The following HEATR1 variants were observed in gnomAD, a reference collection of about 807,000 sequenced individuals.
The protein encoded by HEATR1 is HEAT repeat-containing protein 1.
In HEATR1, 77 loss-of-function variants were observed where a neutral mutation model predicts 248.2. The ratio of observed to expected loss-of-function variants is 0.31; its 90% CI spans 0.26 to 0.37. The LOEUF (loss-of-function observed/expected upper bound fraction) is 0.37, where lower values mean the gene tolerates loss of function less well. HEATR1 is among the 10% of genes least tolerant of loss of function. The probability of loss-of-function intolerance (pLI) is 1.00; values close to 1 mark genes in which losing one functional copy is unlikely to be tolerated. For missense variants in HEATR1, 2,420 were observed against 2,504.9 expected (o/e 0.97, Z 0.72); for synonymous variants, 897 against 923.1 (o/e 0.97, Z 0.51).
At chr1:236,570,065 G>A (rs1030756338) in intron 28 of HEATR1, among the ~76,000 whole-genome samples, 6 of 152,140 alleles carry the variant, frequency 3.9e-5, no homozygotes, top group African/African-American at 1.4e-4. Context: ...GAGGCGGGCG[G>A]ATCATGACAT....
intron 9 of HEATR1, among the ~76,000 whole-genome samples, chr1:236,593,621 T>C (rs1024338861): frequency 6.6e-6 from 1 of 151,252 alleles, no homozygotes; most frequent in Admixed American, 6.6e-5. Context: ...TGAATTATCT[T>C]TAAAGAAATA....
intron 44 of HEATR1, 34 bp downstream of exon 44, chr1:236,551,961 CTTAA>C (rs1662766708): frequency 3.0e-6 from 4 of 1,330,290 alleles, no homozygotes; most frequent in Non-Finnish European, 4.3e-6. Context: ...TGAATTATTC[CTTAA>C]TTGTTTAATG....
intron 9 of HEATR1, among the ~76,000 whole-genome samples, chr1:236,593,226 G>A (rs1450491948): frequency 2.0e-5 from 3 of 151,744 alleles, no homozygotes; most frequent in African/African-American, 7.3e-5. Flanking sequence ...AGAAACTAGA[G>A]TGTAAGTCTT....
At chr1:236,584,990 A>C in intron 17 of HEATR1, 35 bp downstream of exon 17, 1 of 1,572,718 alleles carries the variant, frequency 6.4e-7, no homozygotes, top group Non-Finnish European at 8.6e-7. Context: ...TGTTTTATTC[A>C]ACATCCCACT....
chr1:236,570,968 T>G (rs1663410450), intron 28 of HEATR1, among the ~76,000 whole-genome samples: 1 of 152,236 alleles, frequency 6.6e-6, no homozygotes, highest in African/African-American at 2.4e-5. Context: ...CTGAAGTCAC[T>G]GGTTAAAGGT....
At position 236,556,205 on chromosome 1, in the gene HEATR1, A is replaced by G. The variant is rs1390899628; in HGVS notation, c.5409T>C (p.Asn1803=). 5 of 1,613,962 alleles carry G rather than the reference A, an allele frequency of 3.1e-6. No homozygotes were observed. Among genetic ancestry groups the G allele is most frequent in the Non-Finnish European group, 4.2e-6 (5 of 1,180,034 alleles). Residue 1803 remains asparagine, a synonymous_variant, in exon 38 of 45, where the codon AAT becomes AAC. Transcript: ENST00000366582. ...TCTTTTTAAGAGATGTGAGACGGAT[A>G]TTAGCCTGTGACGCAGAACCCATTT... ...TSEMGSASQA[N]IRLTSLKKTL...
At chr1:236,583,611 C>G (rs819656) in intron 17 of HEATR1, among the ~76,000 whole-genome samples, 20,966 of 151,520 alleles carry the variant, frequency 0.14, 1,760 homozygotes, top group Middle Eastern at 0.25. Context: ...TTCAGCCTCC[C>G]GAGTAGGAAG....
chr1:236,560,212 G>A (rs527377377), intron 33 of HEATR1, among the ~76,000 whole-genome samples: 3 of 151,362 alleles, frequency 2.0e-5, no homozygotes, highest in East Asian at 2.0e-4. Flanking sequence ...GTGTGTGCGC[G>A]CACACACACA....
chr1:236,583,264 T>A, intron 17 of HEATR1, 68 bp from the exon 18 acceptor site: 1 of 1,355,894 alleles, frequency 7.4e-7, no homozygotes, highest in East Asian at 2.3e-5. Flanking sequence ...TATGAATTCC[T>A]CTGCATAATA....
In HEATR1 at chr1:236,564,469, T is replaced by C. The variant is rs1215270608; in HGVS notation, c.4599+29A>G. 1.9e-6 allele frequency: 3 copies of C among 1,603,456 alleles called. No homozygotes were observed. In the East Asian group the frequency reaches 6.7e-5, roughly 36 times the overall value. On this transcript the variant is annotated intron_variant, in intron 32 of 44. Transcript: ENST00000366582. ...TTCCTTGGAGACAGCAGAATACCTT[T>C]TTATAAACACATTTAAAGAACACAT...
chr1:236,600,600 A>G (rs910927234), intron 3 of HEATR1, among the ~76,000 whole-genome samples: 1 of 151,084 alleles, frequency 6.6e-6, no homozygotes. Flanking sequence ...GTGTGATCTC[A>G]GCTCACTGCA....
intron 8 of HEATR1, among the ~76,000 whole-genome samples, 164 bp downstream of exon 8, chr1:236,595,376 T>C (rs1664150250): frequency 2.0e-5 from 3 of 152,310 alleles, no homozygotes; most frequent in South Asian, 2.1e-4. Context: ...TCAACCAACC[T>C]GCTCCCCACC....
At chr1:236,577,069 G>A in intron 20 of HEATR1, 120 bp from the exon 21 acceptor site, 1 of 699,772 alleles carries the variant, frequency 1.4e-6, no homozygotes, top group Non-Finnish European at 2.3e-6. Flanking sequence ...CTCCTTCTCT[G>A]TTCACTGTTT....
rs572264953 is a variant in HEATR1 at position 236,591,330 on chromosome 1, AC to A, written c.1423-377del. ...TCTACATGATATAACAAATAGTGAC[AC>A]TCAAATTCGTGACAACTTAGTTCAC... On this transcript the variant is annotated intron_variant, in intron 11 of 44. Transcript: ENST00000366582. 1.4e-4 allele frequency among the ~76,000 whole-genome samples: 21 copies of A among 152,302 alleles called. No individual in the cohort carries two copies. In the South Asian group the frequency reaches 3.7e-3, roughly 27 times the overall value.
intron 2 of HEATR1, 56 bp from the exon 3 acceptor site, chr1:236,603,432 C>T: frequency 1.4e-6 from 2 of 1,413,842 alleles, no homozygotes; most frequent in East Asian, 2.3e-5. Flanking sequence ...AAATTCATCC[C>T]ACCCCTCTTT....
chr1:236,579,011 G>A (rs1162340498), intron 20 of HEATR1, among the ~76,000 whole-genome samples: 1 of 152,150 alleles, frequency 6.6e-6, no homozygotes, highest in East Asian at 1.9e-4. Context: ...TATTTTGCTA[G>A]AAATTTTCCA....
At position 236,595,635 on chromosome 1, in the gene HEATR1, G is replaced by A. The variant is rs1348012449; in HGVS notation, c.995C>T (p.Thr332Ile). 6.2e-7 allele frequency: 1 copy of A among 1,611,188 alleles called. No individual in the cohort carries two copies. Among genetic ancestry groups the A allele is most frequent in the Admixed American group, 1.7e-5 (1 of 60,002 alleles). Reference protein sequence around the residue: ...PHLCNVPDLITILHGISETYD... With the variant: ...PHLCNVPDLIIILHGISETYD... ...AGTTTCAGAAATCCCATGAAGTATT[G>A]TAATAAGATCAGGAACATTACATAA... Residue 332 changes from threonine to isoleucine, a missense_variant, in exon 8 of 45, where the codon ACA (threonine) becomes ATA (isoleucine). By Grantham distance (89) the Thr-to-Ile change is moderately conservative. Coordinates refer to ENST00000366582, the MANE Select transcript of HEATR1 (RefSeq NM_018072.6).
intron 12 of HEATR1, among the ~76,000 whole-genome samples, chr1:236,589,464 C>T (rs944161888): frequency 6.6e-6 from 1 of 151,354 alleles, no homozygotes; most frequent in Non-Finnish European, 1.5e-5. Context: ...TTAAGTATAA[C>T]TCCTTCTTAA....
rs1308092037 is a variant in HEATR1, at chr1:236,549,886, T to C, written c.*1016A>G. 1 of 152,240 alleles carries C rather than the reference T, an allele frequency of 6.6e-6. No homozygotes were observed. Among genetic ancestry groups the C allele is most frequent in the Non-Finnish European group, 1.5e-5 (1 of 68,038 alleles). 9.4% of individuals were successfully genotyped at this position (152,240 alleles called of 1,614,324 possible). ...TTTACTGAGACATTTCTTAGAAATA[T>C]GCACTTCTATACTAGCAAGCTCTGT... On this transcript the variant is annotated 3_prime_UTR_variant, in exon 45 of 45. Transcript: ENST00000366582.
Sources: allele counts gnomAD v4.1 joint callset (sites outside exome capture counted in the v4.1 genomes callset), GRCh38; gene constraint gnomAD v4.1.1; transcripts MANE v1.5; gene names NCBI Gene and HGNC (gene_info 2026-07-23, HGNC 2026-07-21).